The following CHRNA7 variants were observed in gnomAD, a reference collection of about 807,000 sequenced individuals.
CHRNA7 encodes cholinergic receptor nicotinic alpha 7 subunit.
In CHRNA7, 17 loss-of-function variants were observed where a neutral mutation model predicts 48.0. The observed-to-expected ratio is 0.35, with a 90% CI of 0.24 to 0.53. CHRNA7 has a LOEUF of 0.53. Ranked by LOEUF, CHRNA7 falls within the 20% of genes least tolerant of loss-of-function variation. CHRNA7 has a pLI of 0.92. For missense variants in CHRNA7, 155 were observed against 577.7 expected (o/e 0.27, Z 7.50); for synonymous variants, 75 against 242.3 (o/e 0.31, Z 6.41).
At chr15:32,051,417 A>G (rs7180423) in intron 2 of CHRNA7, among the ~76,000 whole-genome samples, 40,093 of 152,048 alleles carry the variant, frequency 0.26, 6,449 homozygotes, top group East Asian at 0.61. Context: ...TGTGCTAGCA[A>G]TCAGTGAGAC....
rs549885146 is a variant in CHRNA7, at chr15:32,086,092, A to G, written c.196-15211A>G. 8.4e-4 allele frequency among the ~76,000 whole-genome samples: 128 copies of G among 152,258 alleles called. 1 individual carries two copies. The Middle Eastern group carries it at 0.01, about 12-fold the overall frequency. ...TCTTTAAAGATAAACACTTTTGGCC[A>G]GGCACGGTGGCTCACGCCTGTAATC... is the stretch of plus-strand genomic sequence containing the variant. On this transcript the variant is annotated intron_variant, in intron 2 of 9. Transcript: ENST00000306901.
chr15:32,069,948 A>G (rs2050027234), intron 2 of CHRNA7, among the ~76,000 whole-genome samples: 1 of 152,160 alleles, frequency 6.6e-6, no homozygotes, highest in South Asian at 2.1e-4. Context: ...TGCTATTTTT[A>G]TAATTATTTT....
In CHRNA7 at chr15:32,168,046, T is replaced by A; in HGVS notation, c.1097T>A (p.Leu366Gln). Reference sequence around the variant, plus strand: ...CAGCACAAGCAGCGGCGCTGCAGCCTGGCCAGTGTGGAGATGAGCGCCGTG... The same window carrying A: ...CAGCACAAGCAGCGGCGCTGCAGCCAGGCCAGTGTGGAGATGAGCGCCGTG... ...ACQHKQRRCSLASVEMSAVAP... is the reference protein window; with the variant it reads ...ACQHKQRRCSQASVEMSAVAP... Residue 366 changes from leucine to glutamine, a missense_variant, in exon 10 of 10, where the codon CTG becomes CAG. Coordinates refer to ENST00000306901, the MANE Select transcript of CHRNA7 (RefSeq NM_000746.6). 1.2e-6 allele frequency: 2 copies of A among 1,613,274 alleles called. No homozygotes were observed. The highest frequency in any genetic ancestry group is 1.7e-6 in the Non-Finnish European group (2 of 1,179,620).
chr15:32,065,019 A>G (rs2049942270), intron 2 of CHRNA7, among the ~76,000 whole-genome samples: 1 of 152,216 alleles, frequency 6.6e-6, no homozygotes, highest in Non-Finnish European at 1.5e-5. Context: ...TTTCCTCCAT[A>G]AAATCAGAAA....
chr15:32,143,546 G>A (rs1210817136), intron 4 of CHRNA7, among the ~76,000 whole-genome samples: 1 of 152,134 alleles, frequency 6.6e-6, no homozygotes, highest in Admixed American at 6.6e-5. Context: ...TATTTTGTGG[G>A]AGTCTAAGTC....
In CHRNA7 at chr15:32,038,062, A is replaced by ATATATATG. The variant is rs2049381555; in HGVS notation, c.195+7032_195+7033insGTATATAT. On this transcript the variant is annotated intron_variant, in intron 2 of 9. Coordinates refer to ENST00000306901, the MANE Select transcript of CHRNA7 (RefSeq NM_000746.6). The stretch of plus-strand genomic sequence containing the variant: ...CTATAGGTTTTTTGGATATGTATAT[A>ATATATATG]TATATATATAAATATACATATGTAC... Among the ~76,000 whole-genome samples, 4 of 147,290 alleles carry ATATATATG rather than the reference A, an allele frequency of 2.7e-5. No homozygotes were observed. The South Asian group carries it at 8.4e-4, about 31-fold the overall frequency.
chr15:32,063,013 A>C (rs2049904530), intron 2 of CHRNA7, among the ~76,000 whole-genome samples: 1 of 152,222 alleles, frequency 6.6e-6, no homozygotes, highest in African/African-American at 2.4e-5. Flanking sequence ...ATGCAATTGT[A>C]AGTATTTGTG....
chr15:32,095,897 C>T (rs1301135265), intron 2 of CHRNA7, among the ~76,000 whole-genome samples: 4 of 152,184 alleles, frequency 2.6e-5, no homozygotes, highest in Non-Finnish European at 4.4e-5. Context: ...GTGTTGAAAA[C>T]TAAACTTTAT....
At chr15:32,103,004 C>T (rs1052506391) in intron 3 of CHRNA7, 4 of 152,190 alleles carry the variant, frequency 2.6e-5, no homozygotes, top group Admixed American at 6.5e-5. Flanking sequence ...CAGACACAAA[C>T]GCTGATACTT....
intron 2 of CHRNA7, among the ~76,000 whole-genome samples, chr15:32,039,730 G>T (rs961988092): frequency 1.1e-5 from 1 of 87,296 alleles, no homozygotes; most frequent in Non-Finnish European, 3.7e-5. Flanking sequence ...TGCTGTTGTT[G>T]GATAAAATAG....
intron 4 of CHRNA7, chr15:32,112,138 C>A: frequency 1.6e-6 from 1 of 622,632 alleles, no homozygotes; most frequent in Non-Finnish European, 3.0e-6. Flanking sequence ...TTAAGACGCC[C>A]ATGAAGTTGT....
At chr15:32,061,843 C>CAACAA (rs891958066) in intron 2 of CHRNA7, among the ~76,000 whole-genome samples, 5 of 151,974 alleles carry the variant, frequency 3.3e-5, no homozygotes, top group African/African-American at 7.3e-5. Flanking sequence ...ACCAAAAAAA[C>CAACAA]AACAAAACAA....
chr15:32,145,317 A>G (rs1033900333), intron 4 of CHRNA7, among the ~76,000 whole-genome samples: 58 of 152,194 alleles, frequency 3.8e-4, no homozygotes, highest in African/African-American at 1.3e-3. Context: ...ACCCACCTGT[A>G]TGAGGTGTCT....
chr15:32,116,695 G>A (rs536667958), intron 4 of CHRNA7, among the ~76,000 whole-genome samples: 14 of 152,340 alleles, frequency 9.2e-5, no homozygotes, highest in Middle Eastern at 6.8e-3. Context: ...CCCCTACACC[G>A]TGCAGAGACA....
At chr15:32,118,138 A>T (rs2050905465) in intron 4 of CHRNA7, among the ~76,000 whole-genome samples, 1 of 152,146 alleles carries the variant, frequency 6.6e-6, no homozygotes, top group Non-Finnish European at 1.5e-5. Context: ...TGATAAGAAG[A>T]GGAAGAGAGG....
At chr15:32,051,720 A>C (rs1431310579) in intron 2 of CHRNA7, among the ~76,000 whole-genome samples, 1 of 152,216 alleles carries the variant, frequency 6.6e-6, no homozygotes, top group Non-Finnish European at 1.5e-5. Flanking sequence ...ATAGAAATGC[A>C]GGAATCACCC....
chr15:32,119,178 C>T (rs2050924013), intron 4 of CHRNA7, among the ~76,000 whole-genome samples: 1 of 152,138 alleles, frequency 6.6e-6, no homozygotes, highest in Non-Finnish European at 1.5e-5. Flanking sequence ...TTCTAGTCCA[C>T]GGAGAAGCAA....
At chr15:32,055,298 G>A (rs1345495348) in intron 2 of CHRNA7, among the ~76,000 whole-genome samples, 2 of 151,534 alleles carry the variant, frequency 1.3e-5, no homozygotes, top group African/African-American at 4.9e-5. Flanking sequence ...CTGTATTACA[G>A]ATATAAACCC....
At chr15:32,046,851 G>A (rs1019778995) in intron 2 of CHRNA7, among the ~76,000 whole-genome samples, 4 of 151,848 alleles carry the variant, frequency 2.6e-5, no homozygotes, top group African/African-American at 9.7e-5. Flanking sequence ...TTTGTATAAG[G>A]TGTAAGGAAG....
Sources: allele counts gnomAD v4.1 joint callset (sites outside exome capture counted in the v4.1 genomes callset), GRCh38; gene constraint gnomAD v4.1.1; transcripts MANE v1.5; gene names NCBI Gene and HGNC (gene_info 2026-07-23, HGNC 2026-07-21).